The following C10orf90 variants were observed in gnomAD, a reference collection of about 807,000 sequenced individuals.
C10orf90 encodes the protein chromosome 10 open reading frame 90, also known as (E2-independent) E3 ubiquitin-conjugating enzyme FATS.
C10orf90 carries 56 observed loss-of-function variants against 62.5 expected under a neutral mutation model. That is an observed-to-expected ratio of 0.90 (90% confidence interval 0.72 to 1.12). The LOEUF is 1.12. Ranked by LOEUF, C10orf90 falls within the 50% of genes most tolerant of loss-of-function variation. C10orf90 has a pLI of 0.00. For synonymous variants in C10orf90, 386 were observed against 340.4 expected (o/e 1.13, Z -1.47); for missense variants, 970 against 880.4 (o/e 1.10, Z -1.29).
intron 2 of C10orf90, among the ~76,000 whole-genome samples, chr10:126,522,304 T>G (rs1014952180): frequency 1.3e-5 from 2 of 152,220 alleles, no homozygotes; most frequent in East Asian, 1.9e-4. Flanking sequence ...GAGATGGCAC[T>G]GGTACAGATG....
chr10:126,668,613 C>T lies in C10orf90; in HGVS notation c.240+1628G>A, dbSNP rs184720240. On this transcript the variant is annotated intron_variant, in intron 1 of 9. Coordinates refer to ENST00000488181, the MANE Select transcript of C10orf90 (RefSeq NM_001350921.2). ...GAGCAGACCTTGAAGTTCAGAGGGA[C>T]AGGGGGTGCAAATCCCATCTGATGG... is the stretch of plus-strand genomic sequence containing the variant. 8.9e-4 allele frequency among the ~76,000 whole-genome samples: 135 copies of T among 152,286 alleles called. 2 individuals carry two copies. The Middle Eastern group carries it at 0.014, about 15-fold the overall frequency.
chr10:126,427,624 T>C (rs1857334621), intron 8 of C10orf90, among the ~76,000 whole-genome samples: 1 of 152,152 alleles, frequency 6.6e-6, no homozygotes. Context: ...GCTTCCTTCT[T>C]TTTCCATGCT....
At chr10:126,507,142 G>A (rs1431613220) in intron 3 of C10orf90, among the ~76,000 whole-genome samples, 3 of 152,126 alleles carry the variant, frequency 2.0e-5, no homozygotes, top group Non-Finnish European at 4.4e-5. Flanking sequence ...TGGATCATGA[G>A]GTCAGGAGAT....
At chr10:126,640,490 G>A (rs939806939) in intron 2 of C10orf90, among the ~76,000 whole-genome samples, 2 of 151,960 alleles carry the variant, frequency 1.3e-5, no homozygotes, top group Non-Finnish European at 2.9e-5. Context: ...CCCTGAGCTT[G>A]GAAACATAGA....
In C10orf90 at chr10:126,475,270, C is replaced by G. The variant is rs191418692; in HGVS notation, c.1535-10284G>C. Among the ~76,000 whole-genome samples the G allele has an allele frequency of 1.3e-4, 20 of 152,260 alleles. No individual in the cohort carries two copies. In the East Asian group the frequency reaches 3.9e-3, roughly 29 times the overall value. On this transcript the variant is annotated intron_variant, in intron 4 of 9. Coordinates refer to ENST00000488181, the MANE Select transcript of C10orf90 (RefSeq NM_001350921.2). ...ACTTGCAGGCAGTCTAGGGAGGGCC[C>G]CAGCTAGATCAGTGAGTGAGGGCTC...
chr10:126,668,596 C>T (rs1474822722), intron 1 of C10orf90, among the ~76,000 whole-genome samples: 1 of 152,138 alleles, frequency 6.6e-6, no homozygotes, highest in Admixed American at 6.5e-5. Context: ...AAGAGCAGAC[C>T]TTGAAGTTCA....
intron 2 of C10orf90, among the ~76,000 whole-genome samples, chr10:126,584,311 CGTCCATCTGCCTGTCTGCTT>C (rs1200077133): frequency 7.9e-5 from 12 of 151,528 alleles, no homozygotes; most frequent in Non-Finnish European, 1.6e-4. Context: ...TCCACCTGCT[CGTCCATCTGCCTGTCTGCTT>C]GTCCATCCGC....
Position 126,425,903 on chromosome 10 carries a change from C to T in C10orf90, c.2353-1G>A. 6.2e-7 allele frequency: 1 copy of T among 1,614,070 alleles called. No individual in the cohort carries two copies. The highest frequency in any genetic ancestry group is 8.5e-7 in the Non-Finnish European group (1 of 1,180,004). On this transcript the variant is annotated splice_acceptor_variant, in intron 9 of 9. Coordinates refer to ENST00000488181, the MANE Select transcript of C10orf90 (RefSeq NM_001350921.2). LOFTEE classifies it high-confidence loss of function. ...TTTGAAGGAGCTGGTCCAGTAATTG[C>T]TAGAGGAAAAGGGAAACAAAGATGT...
intron 4 of C10orf90, among the ~76,000 whole-genome samples, chr10:126,489,322 CAATGCAT>C (rs1329757865): frequency 6.6e-6 from 1 of 151,916 alleles, no homozygotes; most frequent in African/African-American, 2.4e-5. Context: ...TATTCAACAC[CAATGCAT>C]AAAAAAGTTC....
chr10:126,564,209 A>T (rs1237120469), intron 2 of C10orf90, among the ~76,000 whole-genome samples: 1 of 152,052 alleles, frequency 6.6e-6, no homozygotes, highest in East Asian at 1.9e-4. Flanking sequence ...AAATGTCAGC[A>T]GCAACTTTCC....
chr10:126,663,355 A>T (rs534357518), intron 1 of C10orf90, among the ~76,000 whole-genome samples: 11 of 152,144 alleles, frequency 7.2e-5, no homozygotes, highest in Non-Finnish European at 1.5e-4. Flanking sequence ...ACCCAGCACC[A>T]CGTGAGAAGT....
rs561631085 is a variant in C10orf90 at position 126,510,449 on chromosome 10, C to G, written c.405+3399G>C. Among the ~76,000 whole-genome samples, 10 of 152,332 alleles carry G rather than the reference C, an allele frequency of 6.6e-5. 1 individual carries two copies. The East Asian group carries it at 1.9e-3, about 29-fold the overall frequency. On this transcript the variant is annotated intron_variant, in intron 3 of 9. Transcript: ENST00000488181. Reference sequence around the variant, plus strand: ...GGGTGACATTCCATCCTCCTTTCTACTGGGTTAACGAAACATGTCTTTACA... The same window carrying G: ...GGGTGACATTCCATCCTCCTTTCTAGTGGGTTAACGAAACATGTCTTTACA...
chr10:126,623,385 G>A (rs1845683134), intron 2 of C10orf90, among the ~76,000 whole-genome samples: 1 of 152,046 alleles, frequency 6.6e-6, no homozygotes, highest in African/African-American at 2.4e-5. Context: ...CCATTCCTCA[G>A]GTCTCTCAAC....
At chr10:126,662,649 C>T (rs1057081697) in intron 1 of C10orf90, among the ~76,000 whole-genome samples, 2 of 152,196 alleles carry the variant, frequency 1.3e-5, no homozygotes, top group Non-Finnish European at 2.9e-5. Flanking sequence ...TTTGCCTATA[C>T]TCTCTCTGTC....
chr10:126,434,511 C>T (rs748418134), intron 7 of C10orf90, among the ~76,000 whole-genome samples: 1 of 152,142 alleles, frequency 6.6e-6, no homozygotes, highest in Admixed American at 6.5e-5. Flanking sequence ...GAAGTCACCC[C>T]GAGCACTTTG....
chr10:126,542,704 T>C (rs985733883), intron 2 of C10orf90, among the ~76,000 whole-genome samples: 2 of 151,890 alleles, frequency 1.3e-5, no homozygotes, highest in African/African-American at 4.8e-5. Flanking sequence ...GCATGGCAAA[T>C]ACACACACAC....
At chr10:126,659,107 C>T (rs533430254) in intron 1 of C10orf90, among the ~76,000 whole-genome samples, 22 of 152,286 alleles carry the variant, frequency 1.4e-4, no homozygotes, top group African/African-American at 5.3e-4. Flanking sequence ...AGGATATAAG[C>T]ACACGGCATC....
chr10:126,507,362 A>C (rs2133897192), intron 3 of C10orf90, among the ~76,000 whole-genome samples: 1 of 150,926 alleles, frequency 6.6e-6, no homozygotes, highest in Non-Finnish European at 1.5e-5. Flanking sequence ...ATCTCAAAAA[A>C]AAAAAAAAAA....
intron 2 of C10orf90, among the ~76,000 whole-genome samples, chr10:126,625,142 G>T (rs546327766): frequency 3.7e-4 from 57 of 152,232 alleles, no homozygotes; most frequent in Middle Eastern, 3.4e-3. Flanking sequence ...TGGAGCAATT[G>T]TACCTAAGCA....
Sources: gnomAD v4.1 joint callset for allele counts (sites outside exome capture counted in the v4.1 genomes callset) on GRCh38, gnomAD v4.1.1 for gene constraint, MANE v1.5 for transcripts, NCBI Gene and HGNC (gene_info 2026-07-23, HGNC 2026-07-21) for gene names.